BACE2: variants seen among roughly 807,000 people sequenced by gnomAD.
The protein encoded by BACE2 is 56 kDa aspartic-like protease.
In BACE2, 17 loss-of-function variants were observed where a neutral mutation model predicts 46.2. The observed-to-expected ratio is 0.37, with a 90% CI of 0.25 to 0.55. The LOEUF is 0.55. Ranked by LOEUF, BACE2 falls within the 20% of genes least tolerant of loss-of-function variation. The probability of loss-of-function intolerance (pLI) is 0.82; values close to 1 mark genes in which losing one functional copy is unlikely to be tolerated. For missense variants in BACE2, 595 were observed against 698.1 expected, an observed-to-expected ratio of 0.85 and a Z score of 1.66; for synonymous variants, 277 against 295.9, an observed-to-expected ratio of 0.94 and a Z score of 0.66.
chr21:41,275,471 G>A lies in BACE2; in HGVS notation c.1404G>A (p.Leu468=). 1 of 1,614,146 alleles carries A rather than the reference G, an allele frequency of 6.2e-7. No individual in the cohort carries two copies. The highest frequency in any genetic ancestry group is 8.5e-7 in the Non-Finnish European group (1 of 1,180,040). ...CTCAGTCTTTGAGCGAGCCCATTTTGTGGATTGTGTCCTATGCGCTCATGA... is the reference window on the plus strand; with the variant it reads ...CTCAGTCTTTGAGCGAGCCCATTTTATGGATTGTGTCCTATGCGCTCATGA... ...VPAQSLSEPI[L]WIVSYALMSV... Residue 468 remains leucine (L), a synonymous_variant, in exon 9 of 9, where the codon TTG becomes TTA. Coordinates refer to ENST00000330333, the MANE Select transcript of BACE2 (RefSeq NM_012105.5).
intron 2 of BACE2, among the ~76,000 whole-genome samples, chr21:41,232,164 T>C (rs550818701): frequency 6.6e-6 from 1 of 152,314 alleles, no homozygotes; most frequent in South Asian, 2.1e-4. Flanking sequence ...CAAGTGTTCA[T>C]TAGTCACAAG....
intron 2 of BACE2, among the ~76,000 whole-genome samples, chr21:41,234,155 G>T (rs1601293027): frequency 1.3e-5 from 2 of 152,264 alleles, no homozygotes; most frequent in South Asian, 4.2e-4. Flanking sequence ...TACGAGATCT[G>T]ATGGTTTTAT....
rs8130108 is a variant in BACE2 at position 41,198,888 on chromosome 21, A to G, written c.313-27378A>G. 3.1e-3 allele frequency among the ~76,000 whole-genome samples: 408 copies of G among 131,712 alleles called. 3 individuals are homozygous for G. Among genetic ancestry groups the G allele is most frequent in the African/African-American group, 0.011 (375 of 34,836 alleles). 86.4% of individuals were successfully genotyped at this position (131,712 alleles called of 152,430 possible). A position where few individuals can be genotyped will look rare whatever the true frequency, so the allele number is the denominator to read the frequency against. ...TTATTTATTTATTTATTTATTTATTATACTTTAAGTTCTAGGGTACATGTG... is the reference window on the plus strand; with the variant it reads ...TTATTTATTTATTTATTTATTTATTGTACTTTAAGTTCTAGGGTACATGTG... On this transcript the variant is annotated intron_variant, in intron 1 of 8. Transcript: ENST00000330333.
At chr21:41,198,101 C>T (rs937295166) in intron 1 of BACE2, among the ~76,000 whole-genome samples, 4 of 152,086 alleles carry the variant, frequency 2.6e-5, no homozygotes, top group South Asian at 2.1e-4. Context: ...AAGCAATTCT[C>T]GTGCCTCAGC....
chr21:41,220,595 T>C (rs1012339350), intron 1 of BACE2, among the ~76,000 whole-genome samples: 1 of 152,100 alleles, frequency 6.6e-6, no homozygotes, highest in Admixed American at 6.6e-5. Context: ...CTTTTGTACG[T>C]TTATGAGAAA....
intron 3 of BACE2, among the ~76,000 whole-genome samples, chr21:41,240,562 G>A (rs138945701): frequency 2.0e-5 from 3 of 152,202 alleles, no homozygotes; most frequent in Non-Finnish European, 4.4e-5. Context: ...AAGTCACTCG[G>A]CTGGCAAGTG....
chr21:41,184,385 G>A (rs1262766786), intron 1 of BACE2: 1 of 167,012 alleles, frequency 6.0e-6, no homozygotes, highest in Non-Finnish European at 1.5e-5. Context: ...GTAAATCGTG[G>A]CAATTTGAAG....
At chr21:41,217,395 TTG>T (rs1421078629) in intron 1 of BACE2, among the ~76,000 whole-genome samples, 2 of 152,222 alleles carry the variant, frequency 1.3e-5, no homozygotes, top group Non-Finnish European at 2.9e-5. Flanking sequence ...AAAGGAATTT[TTG>T]TGTGTTTGTT....
At position 41,252,295 on chromosome 21, in the gene BACE2, C is replaced by T. The variant is rs555520025; in HGVS notation, c.1134+1394C>T. Among the ~76,000 whole-genome samples, 39 of 152,318 alleles carry T rather than the reference C, an allele frequency of 2.6e-4. No individual in the cohort carries two copies. The South Asian group carries it at 5.6e-3, about 22-fold the overall frequency. The stretch of plus-strand genomic sequence containing the variant: ...GGCCACTGACCCTCAAGGCCTCTTG[C>T]CTGCAACTGTCTCCTAACCTTTGTT... On this transcript the variant is annotated intron_variant, in intron 7 of 8. Coordinates refer to ENST00000330333, the MANE Select transcript of BACE2 (RefSeq NM_012105.5).
chr21:41,208,616 G>A (rs745390401), intron 1 of BACE2, among the ~76,000 whole-genome samples: 3 of 152,136 alleles, frequency 2.0e-5, no homozygotes, highest in East Asian at 1.9e-4. Flanking sequence ...TGCCTCTCCC[G>A]TGTCCAGAAT....
intron 7 of BACE2, among the ~76,000 whole-genome samples, chr21:41,255,043 G>A (rs988476429): frequency 2.6e-5 from 4 of 152,186 alleles, no homozygotes; most frequent in African/African-American, 9.7e-5. Flanking sequence ...CAAGGGTCTG[G>A]TTACAGTCTC....
intron 1 of BACE2, among the ~76,000 whole-genome samples, chr21:41,204,455 G>A (rs1324812375): frequency 3.9e-5 from 6 of 152,154 alleles, no homozygotes; most frequent in Non-Finnish European, 1.5e-5. Context: ...GGAATTAGGG[G>A]CATGCTGTCC....
chr21:41,225,760 A>G (rs1986798070), intron 1 of BACE2: 1 of 153,366 alleles, frequency 6.5e-6, no homozygotes, highest in Admixed American at 6.5e-5. Context: ...CTAAAAAACA[A>G]TGCTTGTGAC....
At chr21:41,209,153 G>A (rs1360919152) in intron 1 of BACE2, among the ~76,000 whole-genome samples, 1 of 152,216 alleles carries the variant, frequency 6.6e-6, no homozygotes, top group Admixed American at 6.5e-5. Flanking sequence ...ACCACTGCCG[G>A]TCTGTGTCCA....
chr21:41,229,576 C>G (rs1284584968), intron 2 of BACE2, among the ~76,000 whole-genome samples: 4 of 152,216 alleles, frequency 2.6e-5, no homozygotes, highest in African/African-American at 9.7e-5. Flanking sequence ...TTGTTGAAAC[C>G]TTCAAGGGTA....
At chr21:41,236,655 G>A (rs1987127561) in intron 2 of BACE2, 1 of 152,244 alleles carries the variant, frequency 6.6e-6, no homozygotes, top group African/African-American at 2.4e-5. Context: ...AAGGACCTGG[G>A]CTTCAGCAGG....
intron 8 of BACE2, among the ~76,000 whole-genome samples, chr21:41,274,667 G>A (rs2123655518): frequency 6.6e-6 from 1 of 152,298 alleles, no homozygotes; most frequent in Admixed American, 6.5e-5. Flanking sequence ...GTCTCTAGCA[G>A]AAGTCACCGG....
intron 7 of BACE2, among the ~76,000 whole-genome samples, chr21:41,253,215 G>A (rs1269333208): frequency 6.6e-6 from 1 of 152,122 alleles, no homozygotes; most frequent in Non-Finnish European, 1.5e-5. Context: ...GCTGAGGAGG[G>A]TGAATCACGA....
chr21:41,256,346 T>G (rs1234505004), intron 7 of BACE2, among the ~76,000 whole-genome samples: 2 of 152,182 alleles, frequency 1.3e-5, no homozygotes, highest in African/African-American at 4.8e-5. Flanking sequence ...TGGTGTTTGG[T>G]TTTCTGTTCT....
Sources: allele counts gnomAD v4.1 joint callset (sites outside exome capture counted in the v4.1 genomes callset), GRCh38; gene constraint gnomAD v4.1.1; transcripts MANE v1.5; gene names NCBI Gene and HGNC (gene_info 2026-07-23, HGNC 2026-07-21).